Variants in GTPBP10 observed in about 807,000 individuals in gnomAD.
GTPBP10 encodes the protein GTP-binding protein 10.
GTPBP10 carries 38 observed loss-of-function variants against 44.8 expected under a neutral mutation model. The observed-to-expected ratio is 0.85, with a 90% confidence interval of 0.65 to 1.11. GTPBP10 has a LOEUF of 1.11. GTPBP10 is among the 50% of genes most tolerant of loss of function. GTPBP10 has a pLI of 0.00. For synonymous variants in GTPBP10, 152 were observed against 150.6 expected (o/e 1.01, Z -0.07); for missense variants, 462 against 453.7 (o/e 1.02, Z -0.17).
At chr7:90,376,404 A>G (rs1796345785) in intron 6 of GTPBP10, among the ~76,000 whole-genome samples, 1 of 152,178 alleles carries the variant, frequency 6.6e-6, no homozygotes, top group Non-Finnish European at 1.5e-5. Context: ...CCACAACTAC[A>G]ACTTGGGTTT....
Position 90,363,807 on chromosome 7 carries a change from C to T in GTPBP10, c.465-8348C>T, listed in dbSNP as rs111769480. Reference sequence around the variant, plus strand: ...TAGATTTGGTCTTTTCACATAGTCCCATATTTCTTGGAGGCTTTGTTCATT... The same window carrying T: ...TAGATTTGGTCTTTTCACATAGTCCTATATTTCTTGGAGGCTTTGTTCATT... On this transcript the variant is annotated intron_variant, in intron 4 of 9. Coordinates refer to ENST00000222511, the MANE Select transcript of GTPBP10 (RefSeq NM_033107.4). 3.0e-3 allele frequency among the ~76,000 whole-genome samples: 452 copies of T among 152,304 alleles called. 2 individuals are homozygous for T. Among genetic ancestry groups the T allele is most frequent in the African/African-American group, 0.01 (419 of 41,564 alleles).
chr7:90,349,841 A>C (rs17867278), intron 1 of GTPBP10, among the ~76,000 whole-genome samples: 1 of 152,024 alleles, frequency 6.6e-6, no homozygotes, highest in East Asian at 1.9e-4. Flanking sequence ...CTGGGAACTC[A>C]TCTGCTGCCT....
At chr7:90,384,594 A>AC (rs555620480) in intron 9 of GTPBP10, among the ~76,000 whole-genome samples, 4,173 of 148,780 alleles carry the variant, frequency 0.028, 130 homozygotes, top group African/African-American at 0.075. Context: ...GCCTTATTTA[A>AC]CCCCCCCCAC....
chr7:90,378,255 T>C, intron 8 of GTPBP10, 44 bp downstream of exon 8: 1 of 1,556,772 alleles, frequency 6.4e-7, no homozygotes, highest in Non-Finnish European at 8.8e-7. Flanking sequence ...GTCTAATACA[T>C]AGGAATGTAA....
rs775174019 is a variant in GTPBP10, at chr7:90,385,133, T to C, written c.1143T>C (p.Thr381=). 4 of 1,604,314 alleles carry C rather than the reference T, an allele frequency of 2.5e-6. No individual in the cohort carries two copies. The East Asian group carries it at 8.9e-5, about 36-fold the overall frequency. Residue 381 remains threonine, a synonymous_variant, in exon 10 of 10, where the codon ACT becomes ACC. Coordinates refer to ENST00000222511, the MANE Select transcript of GTPBP10 (RefSeq NM_033107.4). ...CACCATCAAAGCATGCTGTTACTAC[T>C]TCCAAAATGGATATAATTTAAATAT... ...TEPPSKHAVT[T]SKMDII is the part of the protein sequence containing the mutation.
intron 8 of GTPBP10, among the ~76,000 whole-genome samples, chr7:90,382,229 T>A (rs80280838): frequency 0.012 from 1,801 of 152,262 alleles, 15 homozygotes; most frequent in Non-Finnish European, 0.019. Flanking sequence ...ACTCAAAATT[T>A]TTAATTTTCA....
intron 1 of GTPBP10, among the ~76,000 whole-genome samples, chr7:90,350,429 G>A (rs1415348979): frequency 6.6e-6 from 1 of 151,098 alleles, no homozygotes; most frequent in African/African-American, 2.4e-5. Context: ...GTAATGGGAT[G>A]GCTGGGTCAA....
chr7:90,381,375 C>T (rs1362337793), intron 8 of GTPBP10, among the ~76,000 whole-genome samples: 1 of 152,058 alleles, frequency 6.6e-6, no homozygotes, highest in East Asian at 1.9e-4. Context: ...TTTCATTTCC[C>T]TAATGATCAG....
intron 1 of GTPBP10, among the ~76,000 whole-genome samples, chr7:90,347,031 T>C (rs1795690367): frequency 6.6e-6 from 1 of 152,202 alleles, no homozygotes; most frequent in Non-Finnish European, 1.5e-5. Flanking sequence ...GCACGTGGTA[T>C]GAGGAACTGG....
intron 4 of GTPBP10, among the ~76,000 whole-genome samples, chr7:90,367,575 C>T (rs1185253432): frequency 2.0e-5 from 3 of 152,166 alleles, no homozygotes; most frequent in Non-Finnish European, 4.4e-5. Flanking sequence ...GGTTTAAAGT[C>T]TATTTTATCA....
In GTPBP10 at chr7:90,346,756, T is replaced by C; in HGVS notation, c.15T>C (p.Ser5=). ...CTGTTGCAGCCATGGTGCATTGCAG[T>C]TGCGTGTTGTTCAGAAAGGTCCGTG... MVHC[S]CVLFRKYGNF... is the part of the protein sequence containing the mutation. The change falls in exon 1 of 10, where the codon AGT becomes AGC. Residue 5 remains serine, a synonymous_variant. Coordinates refer to ENST00000222511, the MANE Select transcript of GTPBP10 (RefSeq NM_033107.4). 6.2e-7 allele frequency: 1 copy of C among 1,614,234 alleles called. No individual in the cohort carries two copies. Among genetic ancestry groups the C allele is most frequent in the African/African-American group, 1.3e-5 (1 of 75,070 alleles).
chr7:90,382,631 A>G (rs17866331), intron 8 of GTPBP10, among the ~76,000 whole-genome samples: 2,150 of 152,268 alleles, frequency 0.014, 59 homozygotes, highest in African/African-American at 0.049. Context: ...AAGTGCATTT[A>G]CTTTTTCCAA....
In GTPBP10 at chr7:90,352,802, CT is replaced by C. The variant is rs756877671; in HGVS notation, c.34-4del. On this transcript the variant is annotated splice_polypyrimidine_tract_variant and intron_variant, in intron 1 of 9. Coordinates refer to ENST00000222511, the MANE Select transcript of GTPBP10 (RefSeq NM_033107.4). The stretch of plus-strand genomic sequence containing the variant: ...CTTTTGGTATACAAATATTCTTTCT[CT>C]TTTTTTTTTAAGTATGGAAATTTCA... The C allele has an allele frequency of 3.8e-3, 4,869 of 1,286,872 alleles. No homozygotes were observed. The highest frequency in any genetic ancestry group is 7.8e-3 in the South Asian group (514 of 65,956). 79.7% of individuals were successfully genotyped at this position (1,286,872 alleles called of 1,614,324 possible). A position where few individuals can be genotyped will look rare whatever the true frequency, so the allele number is the denominator to read the frequency against.
chr7:90,372,135 A>G lies in GTPBP10; in HGVS notation c.465-20A>G. The G allele has an allele frequency of 1.3e-6, 2 of 1,508,740 alleles. No individual in the cohort carries two copies. Among genetic ancestry groups the G allele is most frequent in the Non-Finnish European group, 1.8e-6 (2 of 1,089,562 alleles). The allele number at this position is 1,508,740 out of a possible 1,614,324, so 93.5% of individuals were successfully genotyped here. On this transcript the variant is annotated intron_variant, in intron 4 of 9. Coordinates refer to ENST00000222511, the MANE Select transcript of GTPBP10 (RefSeq NM_033107.4). ...ATAATAATATTGACATTTGTGTATA[A>G]TTTTATATTCTTGTTTCAGATTCCC...
In GTPBP10 at chr7:90,346,787, C is replaced by T. The variant is rs1489112591; in HGVS notation, c.33+13C>T. 3 of 1,613,370 alleles carry T rather than the reference C, an allele frequency of 1.9e-6. No homozygotes were observed. Among genetic ancestry groups the T allele is most frequent in the Middle Eastern group, 1.6e-4 (1 of 6,062 alleles). On this transcript the variant is annotated intron_variant, in intron 1 of 9. Transcript: ENST00000222511. ...GTTGTTCAGAAAGGTCCGTGCGGGT[C>T]CCCTCAGCCTGGTCCCCTTAGCGCT... is the stretch of plus-strand genomic sequence containing the variant.
At chr7:90,369,902 G>A (rs558592477) in intron 4 of GTPBP10, among the ~76,000 whole-genome samples, 7 of 152,128 alleles carry the variant, frequency 4.6e-5, no homozygotes, top group African/African-American at 9.7e-5. Context: ...CTTCTGTGTC[G>A]ATCTTGCTGG....
chr7:90,373,639 C>T (rs1480621804), intron 5 of GTPBP10, among the ~76,000 whole-genome samples: 2 of 151,910 alleles, frequency 1.3e-5, no homozygotes, highest in African/African-American at 4.8e-5. Flanking sequence ...TTAAGGATAA[C>T]AATGAGAAGG....
At chr7:90,381,369 A>G (rs1796433087) in intron 8 of GTPBP10, among the ~76,000 whole-genome samples, 4 of 151,784 alleles carry the variant, frequency 2.6e-5, no homozygotes, top group Admixed American at 2.0e-4. Flanking sequence ...TTTTCTTTTC[A>G]TTTCCCTAAT....
At position 90,353,029 on chromosome 7, in the gene GTPBP10, C is replaced by A; in HGVS notation, c.227+20C>A. On this transcript the variant is annotated intron_variant, in intron 2 of 9. Coordinates refer to ENST00000222511, the MANE Select transcript of GTPBP10 (RefSeq NM_033107.4). ...CAGCAAGTAAGTAATTACTGAATGA[C>A]TTAAATTTTAGAAAATCAAACCCTT... The A allele has an allele frequency of 3.4e-6, 5 of 1,461,632 alleles. No individual in the cohort carries two copies. The highest frequency in any genetic ancestry group is 4.6e-6 in the Non-Finnish European group (5 of 1,092,676). The allele number at this position is 1,461,632 out of a possible 1,614,324, so 90.5% of individuals were successfully genotyped here.
Sources: allele counts gnomAD v4.1 joint callset (sites outside exome capture counted in the v4.1 genomes callset), GRCh38; gene constraint gnomAD v4.1.1; transcripts MANE v1.5; gene names NCBI Gene and HGNC (gene_info 2026-07-23, HGNC 2026-07-21).